The following TRIM71 variants were observed in gnomAD, a reference collection of about 807,000 sequenced individuals.
TRIM71 encodes tripartite motif containing 71, also known as E3 ubiquitin-protein ligase TRIM71.
A neutral mutation model predicts 61.2 loss-of-function variants in TRIM71; 9 were observed. The observed-to-expected ratio is 0.15, with a 90% CI of 0.09 to 0.26. TRIM71 has a LOEUF of 0.26. Ranked by LOEUF, TRIM71 falls within the 10% of genes least tolerant of loss-of-function variation. TRIM71 has a pLI of 1.00. For missense variants in TRIM71, 998 were observed against 1,238.7 expected (o/e 0.81, Z 2.92); for synonymous variants, 645 against 553.2 (o/e 1.17, Z -2.33).
At chr3:32,871,550 A>ACGT (rs774552452) in intron 1 of TRIM71, among the ~76,000 whole-genome samples, 4 of 152,234 alleles carry the variant, frequency 2.6e-5, no homozygotes, top group Non-Finnish European at 4.4e-5. Context: ...AAGGAAAGGA[A>ACGT]CGTCGTTCAA....
intron 1 of TRIM71, among the ~76,000 whole-genome samples, chr3:32,848,547 T>C (rs1400594384): frequency 1.3e-5 from 2 of 152,226 alleles, no homozygotes; most frequent in South Asian, 2.1e-4. Flanking sequence ...GCTATCTCTT[T>C]ATCTCATATT....
At chr3:32,889,127 C>T (rs1035053777) in intron 3 of TRIM71, among the ~76,000 whole-genome samples, 1 of 152,152 alleles carries the variant, frequency 6.6e-6, no homozygotes, top group Admixed American at 6.5e-5. Context: ...TTGAATACTG[C>T]TTTTCTAAAC....
In TRIM71 at chr3:32,887,315, A is replaced by G. The variant is rs1479588590; in HGVS notation, c.1155+1247A>G. On this transcript the variant is annotated intron_variant, in intron 3 of 3. Coordinates refer to ENST00000383763, the MANE Select transcript of TRIM71 (RefSeq NM_001039111.3). ...AAGTTTTTACTCTTGGGAGAAGCCT[A>G]TTTGAAAGAAGAGTCCATCCCTTCT... Among the ~76,000 whole-genome samples, 6 of 152,192 alleles carry G rather than the reference A, an allele frequency of 3.9e-5. No homozygotes were observed. In the East Asian group the frequency reaches 7.7e-4, roughly 20 times the overall value.
intron 1 of TRIM71, among the ~76,000 whole-genome samples, chr3:32,830,464 A>G (rs1055493591): frequency 1.3e-5 from 2 of 152,116 alleles, no homozygotes; most frequent in African/African-American, 4.8e-5. Flanking sequence ...ACTCCATCTC[A>G]CAGTATCAGG....
rs1343717230 is a variant in TRIM71 at position 32,893,568 on chromosome 3, C to T, written c.*1757C>T. 1.3e-5 allele frequency: 2 copies of T among 152,226 alleles called. No homozygotes were observed. The highest frequency in any genetic ancestry group is 2.9e-5 in the Non-Finnish European group (2 of 68,040). 9.4% of individuals were successfully genotyped at this position (152,226 alleles called of 1,614,324 possible). On this transcript the variant is annotated 3_prime_UTR_variant, in exon 4 of 4. Transcript: ENST00000383763. ...CTCTCAAACAAACGTCAGTGACTTACAAGGGAGACCTCTTGTTTAAAGACT... is the reference window on the plus strand; with the variant it reads ...CTCTCAAACAAACGTCAGTGACTTATAAGGGAGACCTCTTGTTTAAAGACT...
rs370785119 is a variant in TRIM71, at chr3:32,857,992, AAAG to A, written c.853-15817_853-15815del. 5.4e-3 allele frequency among the ~76,000 whole-genome samples: 828 copies of A among 152,254 alleles called. 7 individuals carry two copies. Among genetic ancestry groups the A allele is most frequent in the African/African-American group, 0.018 (748 of 41,550 alleles). The stretch of plus-strand genomic sequence containing the variant: ...TCTCGGGGTGAGGGGCGGGACACAA[AAAG>A]AAGAAGAAAACGTGTTTACTATTTA... On this transcript the variant is annotated intron_variant, in intron 1 of 3. Coordinates refer to ENST00000383763, the MANE Select transcript of TRIM71 (RefSeq NM_001039111.3).
intron 2 of TRIM71, 31 bp from the exon 3 acceptor site, chr3:32,885,903 G>C (rs775613607): frequency 5.6e-6 from 9 of 1,603,074 alleles, no homozygotes; most frequent in Non-Finnish European, 7.7e-6. Flanking sequence ...TCCTTCTAAT[G>C]CCTCGAAGTT....
chr3:32,881,765 C>T (rs528001216), intron 2 of TRIM71, among the ~76,000 whole-genome samples: 13 of 152,282 alleles, frequency 8.5e-5, no homozygotes, highest in African/African-American at 3.1e-4. Flanking sequence ...GTATGTCCTT[C>T]AGATGCCCTG....
In TRIM71 at chr3:32,890,591, C is replaced by A. The variant is rs1697013864; in HGVS notation, c.1387C>A (p.Pro463Thr). Residue 463 changes from proline to threonine, a missense_variant, in exon 4 of 4, where the codon CCC becomes ACC. Physicochemically the swap from Pro to Thr is conservative, Grantham distance 38. Around this residue, in one of 5 missense-constraint regions of TRIM71, gnomAD observed 291 missense variants for 431.2 expected, o/e 0.67. Transcript: ENST00000383763. The surrounding 1 kb of genome is among the most constrained non-coding windows in gnomAD (Gnocchi z 6.2). ...PQEDDRVMFT[P>T]PDQALYLAIK... ...GGAAGACGACCGAGTCATGTTCACA[C>A]CCCCCGATCAGGCACTGTACCTTGC... 8 of 1,613,958 alleles carry A rather than the reference C, an allele frequency of 5.0e-6. No homozygotes were observed. Among genetic ancestry groups the A allele is most frequent in the Non-Finnish European group, 6.8e-6 (8 of 1,180,038 alleles).
chr3:32,819,277 TGCTCTTG>T (rs1553642855), intron 1 of TRIM71, among the ~76,000 whole-genome samples: 1 of 151,808 alleles, frequency 6.6e-6, no homozygotes, highest in Non-Finnish European at 1.5e-5. Context: ...GGCCTGCTCC[TGCTCTTG>T]TGGGCACACC....
chr3:32,820,459 T>G (rs1696115109), intron 1 of TRIM71, among the ~76,000 whole-genome samples: 1 of 152,246 alleles, frequency 6.6e-6, no homozygotes, highest in South Asian at 2.1e-4. Context: ...TAATATACTG[T>G]GGGTTCATGT....
chr3:32,818,545 C>G lies in TRIM71; in HGVS notation c.465C>G (p.His155Gln). The change falls in exon 1 of 4, where the codon CAC (histidine) becomes CAG (glutamine). Residue 155 changes from histidine (H) to glutamine (Q), a missense_variant. By Grantham distance (24) the His-to-Gln change is conservative. Around this residue, in one of 5 missense-constraint regions of TRIM71, gnomAD observed 527 missense variants for 427.8 expected, o/e 1.23. Transcript: ENST00000383763. ...GCAACCACCGGCACCACGCTCACCACGCGCACCCGCGCGCGTCCGCCTCCG... is the reference window on the plus strand; with the variant it reads ...GCAACCACCGGCACCACGCTCACCAGGCGCACCCGCGCGCGTCCGCCTCCG... ...GHSNHRHHAH[H>Q]AHPRASASAP... is the part of the protein sequence containing the mutation. 2 of 1,269,296 alleles carry G rather than the reference C, an allele frequency of 1.6e-6. No individual in the cohort carries two copies. Among genetic ancestry groups the G allele is most frequent in the Non-Finnish European group, 2.0e-6 (2 of 1,014,554 alleles). 78.6% of individuals were successfully genotyped at this position (1,269,296 alleles called of 1,614,324 possible).
chr3:32,848,663 A>G (rs1696504394), intron 1 of TRIM71, among the ~76,000 whole-genome samples: 1 of 152,200 alleles, frequency 6.6e-6, no homozygotes, highest in Admixed American at 6.5e-5. Context: ...CCCTTGAGCC[A>G]GGCAGTTTTA....
chr3:32,819,417 C>T (rs1696103335), intron 1 of TRIM71, among the ~76,000 whole-genome samples: 1 of 152,156 alleles, frequency 6.6e-6, no homozygotes, highest in Admixed American at 6.5e-5. Context: ...TGGGTGAGTG[C>T]GTGGAGTTTG....
chr3:32,859,329 G>A (rs929440951), intron 1 of TRIM71, among the ~76,000 whole-genome samples: 6 of 152,178 alleles, frequency 3.9e-5, no homozygotes, highest in South Asian at 2.1e-4. Flanking sequence ...GCGTGATGTC[G>A]GCTCACTGCA....
At chr3:32,859,869 TTG>T (rs1167746045) in intron 1 of TRIM71, among the ~76,000 whole-genome samples, 1 of 152,112 alleles carries the variant, frequency 6.6e-6, no homozygotes, top group Non-Finnish European at 1.5e-5. Context: ...GGTTCCTGGT[TTG>T]GCAGCTGAAT....
chr3:32,830,779 C>T (rs113974421), intron 1 of TRIM71, among the ~76,000 whole-genome samples: 1,657 of 152,178 alleles, frequency 0.011, 26 homozygotes, highest in African/African-American at 0.038. Context: ...GTTTTCAAGC[C>T]ATAGAATGCC....
chr3:32,834,133 A>G (rs903697901), intron 1 of TRIM71, among the ~76,000 whole-genome samples: 2 of 152,094 alleles, frequency 1.3e-5, no homozygotes, highest in Non-Finnish European at 2.9e-5. Flanking sequence ...TGGGGCTCAG[A>G]GTTACCTCCA....
At chr3:32,850,612 C>A (rs1429826575) in intron 1 of TRIM71, among the ~76,000 whole-genome samples, 2 of 152,164 alleles carry the variant, frequency 1.3e-5, no homozygotes, top group Admixed American at 6.5e-5. Flanking sequence ...TCTTTTGCAA[C>A]CACTGGAACA....
Sources: gnomAD v4.1 joint callset for allele counts (sites outside exome capture counted in the v4.1 genomes callset) on GRCh38, gnomAD v4.1.1 for gene constraint, gnomAD v4.1.1 regional missense constraint, Gnocchi (gnomAD v3.1) non-coding constraint, MANE v1.5 for transcripts, NCBI Gene and HGNC (gene_info 2026-07-23, HGNC 2026-07-21) for gene names.